The following KCNIP4 variants were observed in gnomAD, a reference collection of about 807,000 sequenced individuals.
The protein encoded by KCNIP4 is potassium voltage-gated channel interacting protein 4.
Under a neutral mutation model 34.0 loss-of-function variants are expected in KCNIP4, and 12 were observed. The ratio of observed to expected loss-of-function variants is 0.35; its 90% CI spans 0.23 to 0.57. The LOEUF is 0.57. KCNIP4 is among the 20% of genes least tolerant of loss of function. The pLI is 0.83. For synonymous variants in KCNIP4, 124 were observed against 102.2 expected (o/e 1.21, Z -1.29); for missense variants, 238 against 311.7 (o/e 0.76, Z 1.78).
At chr4:21,007,219 G>T (rs1371838779) in intron 1 of KCNIP4, among the ~76,000 whole-genome samples, 1 of 152,130 alleles carries the variant, frequency 6.6e-6, no homozygotes, top group African/African-American at 2.4e-5. Context: ...GCGTTGAAAG[G>T]CACTATTTCT....
chr4:20,995,805 T>C (rs533382673), intron 1 of KCNIP4, among the ~76,000 whole-genome samples: 3 of 152,338 alleles, frequency 2.0e-5, no homozygotes, highest in South Asian at 4.1e-4. Flanking sequence ...ACACCGGTTA[T>C]GTACCATGCA....
At chr4:21,284,111 G>A (rs1455456448) in intron 1 of KCNIP4, among the ~76,000 whole-genome samples, 1 of 151,916 alleles carries the variant, frequency 6.6e-6, no homozygotes, top group Non-Finnish European at 1.5e-5. Flanking sequence ...TACTTGGGAG[G>A]CTGAGGCAGG....
At chr4:20,904,760 C>T (rs13111032) in intron 1 of KCNIP4, among the ~76,000 whole-genome samples, 20,344 of 152,084 alleles carry the variant, frequency 0.13, 1,482 homozygotes, top group South Asian at 0.22. Flanking sequence ...TTTACAAATT[C>T]GTGCAAGAAC....
intron 1 of KCNIP4, among the ~76,000 whole-genome samples, chr4:21,167,712 C>T (rs1311508078): frequency 6.6e-6 from 1 of 152,136 alleles, no homozygotes; most frequent in African/African-American, 2.4e-5. Flanking sequence ...TGAATCAATG[C>T]TCTTGCCTAA....
At chr4:20,741,042 C>CCA (rs1478435816) in intron 5 of KCNIP4, among the ~76,000 whole-genome samples, 1 of 152,064 alleles carries the variant, frequency 6.6e-6, no homozygotes, top group Non-Finnish European at 1.5e-5. Context: ...TATATATGCA[C>CCA]CAATACAGGA....
At chr4:21,518,651 T>C (rs1390581509) in intron 1 of KCNIP4, among the ~76,000 whole-genome samples, 1 of 152,110 alleles carries the variant, frequency 6.6e-6, no homozygotes, top group Non-Finnish European at 1.5e-5. Flanking sequence ...GAGTCATTTT[T>C]CATCTGTATC....
At chr4:21,878,911 C>T (rs1726297982) in intron 1 of KCNIP4, among the ~76,000 whole-genome samples, 1 of 152,070 alleles carries the variant, frequency 6.6e-6, no homozygotes, top group Admixed American at 6.6e-5. Context: ...TTGGGAGTTC[C>T]AAGACCCTTG....
At chr4:21,569,225 C>A (rs1740158278) in intron 1 of KCNIP4, among the ~76,000 whole-genome samples, 1 of 61,226 alleles carries the variant, frequency 1.6e-5, no homozygotes, top group Non-Finnish European at 2.7e-5. Flanking sequence ...CACTAGGACA[C>A]TGATATTCTA....
chr4:20,742,749 C>T (rs1403223517), intron 5 of KCNIP4, among the ~76,000 whole-genome samples: 1 of 152,078 alleles, frequency 6.6e-6, no homozygotes, highest in East Asian at 1.9e-4. Context: ...AAAGGGTATT[C>T]AATTAGGGAA....
chr4:21,429,453 T>C (rs1011883545), intron 1 of KCNIP4, among the ~76,000 whole-genome samples: 1 of 150,940 alleles, frequency 6.6e-6, no homozygotes, highest in African/African-American at 2.4e-5. Flanking sequence ...CACTCACTAG[T>C]AGGTTATTGT....
chr4:21,449,653 C>T (rs1728348807), intron 1 of KCNIP4, among the ~76,000 whole-genome samples: 1 of 147,876 alleles, frequency 6.8e-6, no homozygotes, highest in South Asian at 2.1e-4. Context: ...TATATATATA[C>T]TACTTTTTAC....
At chr4:20,941,478 G>C (rs1053800356) in intron 1 of KCNIP4, among the ~76,000 whole-genome samples, 7 of 152,128 alleles carry the variant, frequency 4.6e-5, no homozygotes. Context: ...ACATTCTGGT[G>C]GTGCCAAAGG....
chr4:20,772,712 G>A (rs1756015413), intron 3 of KCNIP4, among the ~76,000 whole-genome samples: 2 of 151,462 alleles, frequency 1.3e-5, no homozygotes, highest in Admixed American at 6.6e-5. Flanking sequence ...CACAATCTCG[G>A]CTCACTGCAA....
chr4:21,850,854 A>G (rs968197415), intron 1 of KCNIP4: 1 of 152,078 alleles, frequency 6.6e-6, no homozygotes, highest in Admixed American at 6.6e-5. Flanking sequence ...AACACTACAT[A>G]TTCCCTCATT....
chr4:21,571,360 C>T (rs1320525947), intron 1 of KCNIP4, among the ~76,000 whole-genome samples: 1 of 152,140 alleles, frequency 6.6e-6, no homozygotes, highest in African/African-American at 2.4e-5. Flanking sequence ...TAATGATGTG[C>T]CTGCACATCC....
Position 21,202,451 on chromosome 4 carries a change from C to T in KCNIP4, c.62-319742G>A, listed in dbSNP as rs547426278. Reference sequence around the variant, plus strand: ...AAGAGGAGAGAGGCATGGAGCAGGACGGGAGTTGAAAAGCTACCTCTTGGG... The same window carrying T: ...AAGAGGAGAGAGGCATGGAGCAGGATGGGAGTTGAAAAGCTACCTCTTGGG... On this transcript the variant is annotated intron_variant, in intron 1 of 8. Transcript: ENST00000382152. 1.0e-3 allele frequency among the ~76,000 whole-genome samples: 158 copies of T among 152,226 alleles called. 4 individuals are homozygous for T. The South Asian group carries it at 0.03, about 29-fold the overall frequency.
chr4:21,609,936 T>G (rs1197045017), intron 1 of KCNIP4, among the ~76,000 whole-genome samples: 1 of 152,244 alleles, frequency 6.6e-6, no homozygotes, highest in Non-Finnish European at 1.5e-5. Context: ...AAATATTATC[T>G]CATTACTACT....
At chr4:21,395,438 C>T (rs1472789195) in intron 1 of KCNIP4, among the ~76,000 whole-genome samples, 1 of 152,146 alleles carries the variant, frequency 6.6e-6, no homozygotes, top group African/African-American at 2.4e-5. Flanking sequence ...CTCCCCCACC[C>T]CTTTCCTTTA....
At chr4:21,519,343 T>TACACACACAAACACAC (rs1553896533) in intron 1 of KCNIP4, among the ~76,000 whole-genome samples, 4 of 115,074 alleles carry the variant, frequency 3.5e-5, no homozygotes, top group Non-Finnish European at 7.8e-5. Flanking sequence ...GAGAGAGAGA[T>TACACACACAAACACAC]ACACACACAC....
Sources: gnomAD v4.1 joint callset for allele counts (sites outside exome capture counted in the v4.1 genomes callset) on GRCh38, gnomAD v4.1.1 for gene constraint, MANE v1.5 for transcripts, NCBI Gene and HGNC (gene_info 2026-07-23, HGNC 2026-07-21) for gene names.